PDE4A: variants seen among roughly 807,000 people sequenced by gnomAD.
The protein encoded by PDE4A is 3',5'-cyclic-AMP phosphodiesterase 4A.
A neutral mutation model predicts 73.9 loss-of-function variants in PDE4A; 21 were observed. The observed-to-expected ratio is 0.28, with a 90% CI of 0.20 to 0.41. The LOEUF is 0.41. PDE4A is among the 10% of genes least tolerant of loss of function. The pLI, the probability that PDE4A is intolerant of heterozygous loss-of-function variation, is 1.00. For synonymous variants in PDE4A, 463 were observed against 505.4 expected (o/e 0.92, Z 1.13); for missense variants, 958 against 1,211.4 (o/e 0.79, Z 3.10).
intron 1 of PDE4A, among the ~76,000 whole-genome samples, chr19:10,440,884 C>T (rs1306945737): frequency 2.6e-5 from 4 of 151,898 alleles, no homozygotes; most frequent in African/African-American, 9.7e-5. Flanking sequence ...AGGCGTGAGC[C>T]ACCACGCCCA....
At chr19:10,464,047 G>A (rs2043323912) in intron 14 of PDE4A, 72 bp downstream of exon 14, 1 of 1,583,738 alleles carries the variant, frequency 6.3e-7, no homozygotes, top group Non-Finnish European at 8.6e-7. Context: ...GAAGTTCTGA[G>A]GCCCAGGAGC....
At chr19:10,451,614 C>T (rs748903743) in intron 6 of PDE4A, among the ~76,000 whole-genome samples, 1 of 151,808 alleles carries the variant, frequency 6.6e-6, no homozygotes, top group Admixed American at 6.6e-5. Context: ...CAGAGGGGTG[C>T]GCATGTCTGC....
intron 1 of PDE4A, among the ~76,000 whole-genome samples, chr19:10,434,586 A>C (rs1382889960): frequency 1.3e-5 from 2 of 148,554 alleles, no homozygotes; most frequent in African/African-American, 5.0e-5. Flanking sequence ...TCTTCACATA[A>C]GTTTGTTTTT....
At chr19:10,448,085 A>G (rs1425481407) in intron 2 of PDE4A, among the ~76,000 whole-genome samples, 1 of 149,920 alleles carries the variant, frequency 6.7e-6, no homozygotes, top group Non-Finnish European at 1.5e-5. Flanking sequence ...GCAAGACTTC[A>G]TCTCTTTTTT....
At chr19:10,445,196 G>C (rs2042987732) in intron 1 of PDE4A, among the ~76,000 whole-genome samples, 1 of 152,206 alleles carries the variant, frequency 6.6e-6, no homozygotes, top group African/African-American at 2.4e-5. Context: ...AGAAAGACTG[G>C]GGGTTGAAAA....
In PDE4A at chr19:10,449,921, C is replaced by T. The variant is rs1034722132; in HGVS notation, c.621-682C>T. Among the ~76,000 whole-genome samples, 24 of 150,230 alleles carry T rather than the reference C, an allele frequency of 1.6e-4. No homozygotes were observed. In the South Asian group the frequency reaches 2.8e-3, roughly 18 times the overall value. On this transcript the variant is annotated intron_variant, in intron 4 of 14. Transcript: ENST00000380702. The stretch of plus-strand genomic sequence containing the variant: ...CCAGCCCAGGGGAAACAAAATGAGA[C>T]CCTGTCTCTAAAAAAAAAAAAAATT...
chr19:10,437,916 C>A (rs2042886758), intron 1 of PDE4A, among the ~76,000 whole-genome samples: 1 of 150,792 alleles, frequency 6.6e-6, no homozygotes, highest in Non-Finnish European at 1.5e-5. Context: ...GTGATCCTCC[C>A]ACCTCAGCCT....
chr19:10,447,539 T>A (rs1333125551), intron 2 of PDE4A, among the ~76,000 whole-genome samples: 1 of 151,614 alleles, frequency 6.6e-6, no homozygotes, highest in Non-Finnish European at 1.5e-5. Flanking sequence ...GTTCCTTTTT[T>A]AAAAAATATA....
Position 10,458,620 on chromosome 19 carries a change from A to T in PDE4A, c.1101+518A>T, listed in dbSNP as rs1386458029. On this transcript the variant is annotated intron_variant, in intron 8 of 14. Transcript: ENST00000380702. This position sits in a 1 kb window ranked among gnomAD's most constrained non-coding sequence, Gnocchi z 4.6. ...ACCTGGCCTTTAGTTATTTATTTTT[A>T]TTTATTTATTTATTTTGAGATGGAG... 2.0e-5 allele frequency among the ~76,000 whole-genome samples: 3 copies of T among 151,732 alleles called. No individual in the cohort carries two copies. Among genetic ancestry groups the T allele is most frequent in the African/African-American group, 4.8e-5 (2 of 41,274 alleles).
intron 10 of PDE4A, 135 bp downstream of exon 10, chr19:10,459,894 T>G: frequency 9.0e-7 from 1 of 1,108,958 alleles, no homozygotes; most frequent in African/African-American, 1.6e-5. Context: ...TTTTTTTTTC[T>G]TTTTGAGACG....
rs201995124 is a variant in PDE4A at position 10,467,240 on chromosome 19, G to C, written c.2280G>C (p.Ser760=). The change falls in exon 15 of 15, where the codon TCG becomes TCC. Residue 760 remains serine, a synonymous_variant. Coordinates refer to ENST00000380702, the MANE Select transcript of PDE4A (RefSeq NM_001111307.2). ...GGGAGGCATCCCCGGCCCAGGAGTC[G>C]TTGGAAGTTATGGCACAGGAAGCAT... ...IAWEASPAQE[S]LEVMAQEASL... is the part of the protein sequence containing the mutation. 17 of 1,614,072 alleles carry C rather than the reference G, an allele frequency of 1.1e-5. No homozygotes were observed. Among genetic ancestry groups the C allele is most frequent in the East Asian group, 2.2e-5 (1 of 44,896 alleles).
chr19:10,440,709 G>A (rs2042925948), intron 1 of PDE4A, among the ~76,000 whole-genome samples: 1 of 152,036 alleles, frequency 6.6e-6, no homozygotes, highest in Non-Finnish European at 1.5e-5. Flanking sequence ...AGCAGTTCTC[G>A]TGTTTTAGCC....
At chr19:10,446,885 C>T (rs2043013613) in intron 2 of PDE4A, among the ~76,000 whole-genome samples, 2 of 151,790 alleles carry the variant, frequency 1.3e-5, no homozygotes, top group Non-Finnish European at 2.9e-5. Flanking sequence ...TGAGCCACCG[C>T]GCCTGGCCTC....
At chr19:10,464,129 A>T in intron 14 of PDE4A, 154 bp downstream of exon 14, 1 of 975,424 alleles carries the variant, frequency 1.0e-6, no homozygotes, top group South Asian at 1.6e-5. Flanking sequence ...ACGGAGTCTC[A>T]TTCTATTGCC....
Position 10,450,871 on chromosome 19 carries a change from TGG to T in PDE4A, c.714_715del (p.Asp239LeufsTer30). 1 of 1,612,164 alleles carries T rather than the reference TGG, an allele frequency of 6.2e-7. No homozygotes were observed. Among genetic ancestry groups the T allele is most frequent in the Non-Finnish European group, 8.5e-7 (1 of 1,179,246 alleles). On this transcript the variant is annotated frameshift_variant, in exon 6 of 15. Transcript: ENST00000380702. LOFTEE classifies it high-confidence loss of function. ...TTGGCCCGGGAGACTCTGGAGGAGC[TGG>T]ACTGGTGTCTGGAGCAGCTGGAGAC...
chr19:10,430,290 A>G (rs1263031254), intron 1 of PDE4A, among the ~76,000 whole-genome samples: 1 of 150,294 alleles, frequency 6.7e-6, no homozygotes, highest in Non-Finnish European at 1.5e-5. Flanking sequence ...GGCTTGTGGC[A>G]TGTCCCAGAA....
chr19:10,439,471 C>T (rs549534537), intron 1 of PDE4A, among the ~76,000 whole-genome samples: 51 of 152,224 alleles, frequency 3.4e-4, no homozygotes, highest in Non-Finnish European at 5.6e-4. Context: ...CGTGAGCCAC[C>T]GCACCTGGCC....
intron 13 of PDE4A, among the ~76,000 whole-genome samples, chr19:10,462,659 A>ATCCCATCTCTCCT (rs749877529): frequency 6.6e-6 from 1 of 150,606 alleles, no homozygotes; most frequent in Non-Finnish European, 1.5e-5. Flanking sequence ...TCACTTTCCA[A>ATCCCATCTCTCCT]TCCCATCTCT....
At chr19:10,417,361 A>T (rs755316648), upstream of PDE4A, 1 of 985,232 alleles carries the variant, frequency 1.0e-6, no homozygotes, top group Non-Finnish European at 1.2e-6. Context: ...GAGACCCTAA[A>T]AAGGTGATGT....
Sources: allele counts gnomAD v4.1 joint callset (sites outside exome capture counted in the v4.1 genomes callset), GRCh38; gene constraint gnomAD v4.1.1; non-coding constraint Gnocchi (gnomAD v3.1); transcripts MANE v1.5; gene names NCBI Gene and HGNC (gene_info 2026-07-23, HGNC 2026-07-21).